CDK14: variants seen among roughly 807,000 people sequenced by gnomAD.
CDK14 encodes cyclin dependent kinase 14.
A neutral mutation model predicts 60.7 loss-of-function variants in CDK14; 34 were observed. The ratio of observed to expected loss-of-function variants is 0.56; its 90% CI spans 0.43 to 0.75. CDK14 has a LOEUF of 0.75. Ranked by LOEUF, CDK14 falls within the 30% of genes least tolerant of loss-of-function variation. The probability of loss-of-function intolerance (pLI) is 0.00; values close to 1 mark genes in which losing one functional copy is unlikely to be tolerated. For synonymous variants in CDK14, 197 were observed against 203.7 expected (o/e 0.97, Z 0.28); for missense variants, 482 against 564.1 (o/e 0.85, Z 1.47).
intron 14 of CDK14, among the ~76,000 whole-genome samples, chr7:91,199,204 T>A (rs1157904028): frequency 1.3e-5 from 2 of 152,202 alleles, no homozygotes; most frequent in South Asian, 2.1e-4. Flanking sequence ...GGTGAAGGCT[T>A]TTCTATTAAC....
At chr7:90,826,644 T>TA (rs1471596085) in intron 5 of CDK14, among the ~76,000 whole-genome samples, 1 of 152,194 alleles carries the variant, frequency 6.6e-6, no homozygotes, top group African/African-American at 2.4e-5. Flanking sequence ...AATTTTTAAT[T>TA]AAAAAATTTT....
intron 4 of CDK14, among the ~76,000 whole-genome samples, chr7:90,748,199 T>A (rs1803674486): frequency 6.6e-6 from 1 of 152,218 alleles, no homozygotes; most frequent in African/African-American, 2.4e-5. Flanking sequence ...TTCAGAAGTC[T>A]CTTAGTTAAA....
At chr7:91,052,496 C>T (rs1797420771) in intron 11 of CDK14, among the ~76,000 whole-genome samples, 1 of 152,104 alleles carries the variant, frequency 6.6e-6, no homozygotes, top group African/African-American at 2.4e-5. Context: ...ACAAAACCAC[C>T]AATAACACTT....
At chr7:90,998,992 C>T (rs1001539634) in intron 10 of CDK14, among the ~76,000 whole-genome samples, 1 of 152,074 alleles carries the variant, frequency 6.6e-6, no homozygotes, top group Non-Finnish European at 1.5e-5. Flanking sequence ...CTTCTTATGT[C>T]GTAACATCGT....
intron 9 of CDK14, among the ~76,000 whole-genome samples, chr7:90,968,204 GT>G (rs1794814843): frequency 6.6e-6 from 1 of 151,938 alleles, no homozygotes; most frequent in Non-Finnish European, 1.5e-5. Context: ...ATGTTTGTGG[GT>G]TTTTAAAAAA....
chr7:90,947,603 A>T (rs1471234450), intron 8 of CDK14, among the ~76,000 whole-genome samples: 1 of 152,182 alleles, frequency 6.6e-6, no homozygotes, highest in African/African-American at 2.4e-5. Context: ...CCTCTGTGTA[A>T]TGAGCACTGT....
At chr7:90,867,057 T>G (rs982290786) in intron 6 of CDK14, among the ~76,000 whole-genome samples, 7 of 152,124 alleles carry the variant, frequency 4.6e-5, no homozygotes, top group Non-Finnish European at 8.8e-5. Context: ...GATGCATGGT[T>G]TTGAGTACAG....
At chr7:91,121,373 T>G (rs1292923363) in intron 14 of CDK14, among the ~76,000 whole-genome samples, 1 of 152,172 alleles carries the variant, frequency 6.6e-6, no homozygotes, top group Non-Finnish European at 1.5e-5. Context: ...ACCATCTCTC[T>G]TTGGGGAGTT....
chr7:90,728,616 A>C (rs902912411), intron 3 of CDK14, among the ~76,000 whole-genome samples: 2 of 151,912 alleles, frequency 1.3e-5, no homozygotes, highest in Non-Finnish European at 2.9e-5. Context: ...TTCCTTTTAC[A>C]TATTCTCTGA....
At position 90,707,901 on chromosome 7, in the gene CDK14, G is replaced by A. The variant is rs539675245; in HGVS notation, c.124-18666G>A. ...CTTGCTTTATTTCTAATCACTTAAGGCATTCATTGAATGCAGAGCACATGG... is the reference window on the plus strand; with the variant it reads ...CTTGCTTTATTTCTAATCACTTAAGACATTCATTGAATGCAGAGCACATGG... On this transcript the variant is annotated intron_variant, in intron 2 of 14. Transcript: ENST00000380050. 2.2e-4 allele frequency among the ~76,000 whole-genome samples: 33 copies of A among 152,198 alleles called. 1 individual carries two copies. The highest frequency in any genetic ancestry group is 7.7e-4 in the African/African-American group (32 of 41,528).
At chr7:90,848,552 T>TG (rs1790544432) in intron 5 of CDK14, among the ~76,000 whole-genome samples, 5 of 152,164 alleles carry the variant, frequency 3.3e-5, no homozygotes, top group African/African-American at 1.2e-4. Flanking sequence ...CTCATTTTCC[T>TG]GGGGGGTAAA....
chr7:90,934,446 C>G (rs1048283586), intron 8 of CDK14, among the ~76,000 whole-genome samples: 2 of 152,266 alleles, frequency 1.3e-5, no homozygotes, highest in Non-Finnish European at 2.9e-5. Context: ...GGATGAAAAT[C>G]TAGGAACCTG....
chr7:90,731,366 C>T (rs1255002924), intron 3 of CDK14, among the ~76,000 whole-genome samples: 1 of 152,032 alleles, frequency 6.6e-6, no homozygotes, highest in Non-Finnish European at 1.5e-5. Context: ...TAGTTTTTTC[C>T]AGTTCTGTGA....
intron 12 of CDK14, among the ~76,000 whole-genome samples, chr7:91,087,161 T>C (rs1204470947): frequency 6.6e-6 from 1 of 152,182 alleles, no homozygotes; most frequent in Non-Finnish European, 1.5e-5. Flanking sequence ...ACTTATTTGA[T>C]TTTCATGAAA....
chr7:91,091,285 T>C (rs1282184517), intron 12 of CDK14, among the ~76,000 whole-genome samples: 1 of 145,416 alleles, frequency 6.9e-6, no homozygotes, highest in Non-Finnish European at 1.5e-5. Flanking sequence ...TAAATATATA[T>C]GTATATATTT....
At chr7:91,047,190 A>T (rs1797264775) in intron 11 of CDK14, among the ~76,000 whole-genome samples, 1 of 152,230 alleles carries the variant, frequency 6.6e-6, no homozygotes, top group Non-Finnish European at 1.5e-5. Context: ...GGGCTCTTAA[A>T]GAAGGTTAAC....
At chr7:90,951,998 C>T (rs1794276784) in intron 8 of CDK14, among the ~76,000 whole-genome samples, 1 of 152,064 alleles carries the variant, frequency 6.6e-6, no homozygotes, top group African/African-American at 2.4e-5. Flanking sequence ...TTTGAGAAAG[C>T]ACTGGTTTGA....
chr7:90,605,699 G>C (rs987421483), intron 2 of CDK14, among the ~76,000 whole-genome samples: 1 of 152,110 alleles, frequency 6.6e-6, no homozygotes, highest in Non-Finnish European at 1.5e-5. Flanking sequence ...CATAAATCCT[G>C]TTACCCCGAT....
intron 2 of CDK14, among the ~76,000 whole-genome samples, chr7:90,719,752 T>A (rs1802378707): frequency 6.6e-6 from 1 of 152,152 alleles, no homozygotes; most frequent in Non-Finnish European, 1.5e-5. Context: ...TGATGATTTC[T>A]TCTTTTTATA....
Sources: allele counts gnomAD v4.1 joint callset (sites outside exome capture counted in the v4.1 genomes callset), GRCh38; gene constraint gnomAD v4.1.1; transcripts MANE v1.5; gene names NCBI Gene and HGNC (gene_info 2026-07-23, HGNC 2026-07-21).